TJP1: variants seen among roughly 807,000 people sequenced by gnomAD.
The protein encoded by TJP1 is tight junction protein 1, also known as tight junction protein ZO-1.
TJP1 carries 43 observed loss-of-function variants against 194.2 expected under a neutral mutation model. The ratio of observed to expected loss-of-function variants is 0.22; its 90% CI spans 0.17 to 0.29. The LOEUF is 0.29. Ranked by LOEUF, TJP1 falls within the 10% of genes least tolerant of loss-of-function variation. The pLI, the probability that TJP1 is intolerant of heterozygous loss-of-function variation, is 1.00. For synonymous variants in TJP1, 801 were observed against 779.0 expected, an observed-to-expected ratio of 1.03 and a Z score of -0.47; for missense variants, 1,971 against 2,185.7, an observed-to-expected ratio of 0.90 and a Z score of 1.96.
chr15:29,909,819 G>C (rs1021169510), intron 2 of TJP1, among the ~76,000 whole-genome samples: 1 of 152,046 alleles, frequency 6.6e-6, no homozygotes, highest in Admixed American at 6.6e-5. Flanking sequence ...TTAGAACCTG[G>C]GTCTCTGAAG....
At chr15:29,711,898 G>A (rs2042267103) in intron 23 of TJP1, among the ~76,000 whole-genome samples, 1 of 152,138 alleles carries the variant, frequency 6.6e-6, no homozygotes, top group Admixed American at 6.6e-5. Context: ...TAAAAAAACT[G>A]GAGCTTTTAC....
chr15:29,890,721 G>T (rs538103530), intron 2 of TJP1, among the ~76,000 whole-genome samples: 37 of 152,122 alleles, frequency 2.4e-4, no homozygotes, highest in Non-Finnish European at 4.7e-4. Flanking sequence ...CTTCACAGAG[G>T]ACTTGGTGAG....
intron 23 of TJP1, among the ~76,000 whole-genome samples, chr15:29,715,129 C>A (rs1307950363): frequency 1.3e-5 from 2 of 152,110 alleles, no homozygotes; most frequent in African/African-American, 4.8e-5. Context: ...AATGACAAAT[C>A]CACATCTGTT....
chr15:29,784,401 G>A (rs1009588152), intron 2 of TJP1, among the ~76,000 whole-genome samples: 7 of 152,182 alleles, frequency 4.6e-5, no homozygotes, highest in Admixed American at 3.9e-4. Context: ...CCGGGTTCAA[G>A]TGATTCTCCT....
intron 2 of TJP1, among the ~76,000 whole-genome samples, chr15:29,877,355 T>TG (rs2152123819): frequency 6.6e-6 from 1 of 152,328 alleles, no homozygotes; most frequent in East Asian, 1.9e-4. Flanking sequence ...TAGCTGCGAC[T>TG]GCAGATGTGC....
rs1343744979 is a variant in TJP1, at chr15:29,716,753, A to G, written c.4060T>C (p.Tyr1354His). Residue 1354 changes from tyrosine to histidine, a missense_variant, in exon 23 of 28, where the codon TAT becomes CAT. Tyr to His is a moderately conservative substitution (Grantham distance 83). Transcript: ENST00000614355. ...NHYDPEEDEE[Y>H]YRKQLSYFDR... ...AAGTATGACAGCTGTTTTCGATAAT[A>G]TTCTTCATCTTCTTCAGGGTCATAA... is the stretch of plus-strand genomic sequence containing the variant. 2 of 1,614,172 alleles carry G rather than the reference A, an allele frequency of 1.2e-6. No individual in the cohort carries two copies. Among genetic ancestry groups the G allele is most frequent in the Non-Finnish European group, 1.7e-6 (2 of 1,180,020 alleles).
At chr15:29,913,327 C>T (rs760485082) in intron 2 of TJP1, among the ~76,000 whole-genome samples, 21 of 152,130 alleles carry the variant, frequency 1.4e-4, no homozygotes, top group Middle Eastern at 3.4e-3. Context: ...GGAAAGATAA[C>T]CTTGATAAAA....
At chr15:29,769,759 A>G (rs1224023630) in intron 4 of TJP1, among the ~76,000 whole-genome samples, 2 of 152,202 alleles carry the variant, frequency 1.3e-5, no homozygotes, top group Non-Finnish European at 1.5e-5. Flanking sequence ...GCTGGTGTAA[A>G]CAAAGCTACT....
At chr15:29,832,445 T>C (rs1596065319) in intron 2 of TJP1, among the ~76,000 whole-genome samples, 1 of 152,340 alleles carries the variant, frequency 6.6e-6, no homozygotes, top group Middle Eastern at 3.4e-3. Flanking sequence ...ATCATGATTG[T>C]TTTTTAATAT....
intron 2 of TJP1, among the ~76,000 whole-genome samples, chr15:29,915,788 A>G (rs1253666369): frequency 2.0e-5 from 3 of 147,816 alleles, no homozygotes; most frequent in Non-Finnish European, 4.5e-5. Context: ...ATTTGAATGC[A>G]AAGTATGTAG....
intron 23 of TJP1, among the ~76,000 whole-genome samples, chr15:29,711,881 G>C (rs2042265776): frequency 1.3e-5 from 2 of 152,158 alleles, no homozygotes; most frequent in South Asian, 2.1e-4. Context: ...CTGCGTTTCA[G>C]TAAAACTAAA....
At chr15:29,718,178 A>ACTT in intron 21 of TJP1, 60 bp from the exon 22 acceptor site, 1 of 1,590,910 alleles carries the variant, frequency 6.3e-7, no homozygotes. Flanking sequence ...TAATTAACAG[A>ACTT]ATAGATATCA....
chr15:29,731,619 G>C (rs894430269), intron 15 of TJP1, among the ~76,000 whole-genome samples: 3 of 152,166 alleles, frequency 2.0e-5, no homozygotes, highest in South Asian at 2.1e-4. Flanking sequence ...AACTTTCCCT[G>C]TTCAGAGCAT....
At chr15:29,750,261 C>T (rs2045174223) in intron 8 of TJP1, among the ~76,000 whole-genome samples, 1 of 152,130 alleles carries the variant, frequency 6.6e-6, no homozygotes, top group East Asian at 1.9e-4. Context: ...CCTCAGCCTC[C>T]CAAAGTGCTG....
chr15:29,886,562 C>T (rs931347003), intron 2 of TJP1, among the ~76,000 whole-genome samples: 1 of 151,134 alleles, frequency 6.6e-6, no homozygotes, highest in Non-Finnish European at 1.5e-5. Context: ...CTGTGACTGG[C>T]TGCTGCACTC....
chr15:29,912,260 G>A (rs2054038435), intron 2 of TJP1, among the ~76,000 whole-genome samples: 1 of 152,200 alleles, frequency 6.6e-6, no homozygotes, highest in Admixed American at 6.5e-5. Flanking sequence ...TAATACCATG[G>A]CACCGGGGAG....
chr15:29,908,236 C>T (rs1382204403), intron 2 of TJP1, among the ~76,000 whole-genome samples: 1 of 151,934 alleles, frequency 6.6e-6, no homozygotes. Context: ...TTAAAAAGAC[C>T]TATTCCATGG....
chr15:29,738,305 A>G (rs959524564), intron 10 of TJP1, among the ~76,000 whole-genome samples: 1 of 152,110 alleles, frequency 6.6e-6, no homozygotes, highest in Admixed American at 6.6e-5. Context: ...AAATCCCTAT[A>G]CTCTTTATTA....
intron 27 of TJP1, among the ~76,000 whole-genome samples, chr15:29,702,699 A>G (rs1055171339): frequency 2.0e-5 from 3 of 152,220 alleles, no homozygotes; most frequent in Non-Finnish European, 4.4e-5. Context: ...TACCTAAGCA[A>G]TATCTGGAGC....
Sources: gnomAD v4.1 joint callset for allele counts (sites outside exome capture counted in the v4.1 genomes callset) on GRCh38, gnomAD v4.1.1 for gene constraint, MANE v1.5 for transcripts, NCBI Gene and HGNC (gene_info 2026-07-23, HGNC 2026-07-21) for gene names.